The following CYP3A5 variants were observed in gnomAD, a reference collection of about 807,000 sequenced individuals.
The protein encoded by CYP3A5 is cytochrome P450 family 3 subfamily A member 5.
In CYP3A5, 51 loss-of-function variants were observed where a neutral mutation model predicts 55.9. That is an observed-to-expected ratio of 0.91 (90% CI 0.73 to 1.15). The LOEUF (loss-of-function observed/expected upper bound fraction) is 1.15, where lower values mean the gene tolerates loss of function less well. CYP3A5 is among the 50% of genes most tolerant of loss of function. CYP3A5 has a pLI of 0.00. For synonymous variants in CYP3A5, 196 were observed against 213.9 expected (o/e 0.92, Z 0.73); for missense variants, 533 against 596.6 (o/e 0.89, Z 1.11).
intron 1 of CYP3A5, 87 bp downstream of exon 1, chr7:99,679,739 T>C: frequency 7.7e-7 from 1 of 1,291,418 alleles, no homozygotes; most frequent in South Asian, 1.2e-5. Context: ...ACATCTCTTT[T>C]GATCTTCAAA....
chr7:99,666,370 T>C (rs942241081), intron 6 of CYP3A5, among the ~76,000 whole-genome samples: 1 of 152,112 alleles, frequency 6.6e-6, no homozygotes, highest in Non-Finnish European at 1.5e-5. Flanking sequence ...TGGTGACAAG[T>C]TAACAGATAA....
intron 1 of CYP3A5, 128 bp from the exon 2 acceptor site, chr7:99,676,336 A>C (rs781717320): frequency 3.9e-6 from 6 of 1,554,744 alleles, no homozygotes; most frequent in Non-Finnish European, 5.2e-6. Context: ...AATAACAGCA[A>C]CTCCAACATC....
chr7:99,666,848 G>A (rs1811072538), intron 5 of CYP3A5, 104 bp downstream of exon 5: 11 of 1,579,686 alleles, frequency 7.0e-6, no homozygotes, highest in Non-Finnish European at 9.5e-6. Flanking sequence ...TAGGAAGCTC[G>A]AACTCAGTGG....
intron 10 of CYP3A5, among the ~76,000 whole-genome samples, chr7:99,658,189 C>T (rs1809976721): frequency 1.3e-5 from 2 of 152,152 alleles, no homozygotes; most frequent in Admixed American, 1.3e-4. Context: ...ATGGTCTTTA[C>T]AATTTGGCAT....
At chr7:99,652,280 C>T (rs1441348432) in intron 11 of CYP3A5, 3 of 205,894 alleles carry the variant, frequency 1.5e-5, no homozygotes, top group African/African-American at 2.3e-5. Context: ...AAAGTGATAC[C>T]ATTCTAATTT....
intron 1 of CYP3A5, among the ~76,000 whole-genome samples, chr7:99,678,790 G>T (rs1281442987): frequency 6.6e-6 from 1 of 152,186 alleles, no homozygotes; most frequent in East Asian, 1.9e-4. Flanking sequence ...TTAAAATGAG[G>T]TTTATAGTGT....
chr7:99,650,229 G>C lies in CYP3A5; in HGVS notation c.1257C>G (p.Phe419Leu), dbSNP rs1474237861. ...GATCTATGCTGTCCTTCTTCTTACT[G>C]AACCTAGTTCCATATTGGTAGATTA... is the stretch of plus-strand genomic sequence containing the variant. ...TEPEEFRPER[F>L]SKKKDSIDPY... Residue 419 changes from phenylalanine (F) to leucine (L), a missense_variant, in exon 12 of 13, where the codon TTC (phenylalanine) becomes TTG (leucine). By Grantham distance (22) the Phe-to-Leu change is conservative. Transcript: ENST00000222982. The C allele has an allele frequency of 6.2e-7, 1 of 1,613,148 alleles. No homozygotes were observed. Among genetic ancestry groups the C allele is most frequent in the Non-Finnish European group, 8.5e-7 (1 of 1,179,528 alleles).
Position 99,665,203 on chromosome 7 carries a change from TA to T in CYP3A5, c.632del (p.Leu211GlnfsTer6). The T allele has an allele frequency of 6.2e-7, 1 of 1,613,966 alleles. No homozygotes were observed. Among genetic ancestry groups the T allele is most frequent in the South Asian group, 1.1e-5 (1 of 91,056 alleles). ...DPFVESTKKFLKFGFLDPLFL... is the reference protein window; with the variant it reads ...DPFVESTKKFXKFGFLDPLFL... ...ATAATGGATCTAAGAAACCAAATTT[TA>T]GGAACTTCTTAGTGCTCTCCACAAA... On this transcript the variant is annotated frameshift_variant, in exon 7 of 13. Coordinates refer to ENST00000222982, the MANE Select transcript of CYP3A5 (RefSeq NM_000777.5). LOFTEE classifies it high-confidence loss of function.
chr7:99,660,427 TG>T (rs1418557360), intron 10 of CYP3A5, 71 bp downstream of exon 10: 3 of 1,508,256 alleles, frequency 2.0e-6, no homozygotes, highest in African/African-American at 2.8e-5. Flanking sequence ...AAAATTCTCC[TG>T]GGGAGTGGTG....
At chr7:99,663,635 C>T in intron 8 of CYP3A5, 2 of 1,009,110 alleles carry the variant, frequency 2.0e-6, no homozygotes, top group Non-Finnish European at 2.4e-6. Context: ...ATGAGGAAAG[C>T]ACAATACCAG....
intron 3 of CYP3A5, 189 bp downstream of exon 3, chr7:99,674,344 G>A (rs546321868): frequency 2.1e-5 from 10 of 468,092 alleles, no homozygotes; most frequent in South Asian, 1.6e-4. Context: ...AGTTTATAAC[G>A]GCAAGCAGAT....
intron 4 of CYP3A5, among the ~76,000 whole-genome samples, chr7:99,672,042 T>TTTGTTGTTG (rs573372567): frequency 1.3e-5 from 2 of 151,728 alleles, no homozygotes; most frequent in African/African-American, 2.4e-5. Context: ...TTTGCCGGTT[T>TTTGTTGTTG]TTGTTGTTGT....
chr7:99,667,528 G>T (rs1017708241), intron 4 of CYP3A5, among the ~76,000 whole-genome samples: 19 of 151,914 alleles, frequency 1.3e-4, no homozygotes, highest in African/African-American at 3.9e-4. Context: ...ATTTTTTTTT[G>T]AAAAGTAGGT....
intron 4 of CYP3A5, among the ~76,000 whole-genome samples, chr7:99,672,239 ATG>A (rs1811732131): frequency 6.6e-6 from 1 of 152,068 alleles, no homozygotes; most frequent in African/African-American, 2.4e-5. Context: ...TTTAGTAGAG[ATG>A]GGGTTTCACC....
chr7:99,663,940 T>C, intron 8 of CYP3A5, 28 bp downstream of exon 8: 2 of 1,561,394 alleles, frequency 1.3e-6, no homozygotes, highest in Non-Finnish European at 1.7e-6. Flanking sequence ...AACCTAAACA[T>C]CGTCATTTAA....
At chr7:99,649,970 C>T in intron 12 of CYP3A5, 103 bp downstream of exon 12, 3 of 1,418,492 alleles carry the variant, frequency 2.1e-6, no homozygotes, top group Non-Finnish European at 2.9e-6. Flanking sequence ...GTTCTTTGGC[C>T]CATAGAATGA....
intron 3 of CYP3A5, 126 bp downstream of exon 3, chr7:99,674,405 CCT>C (rs1812014107): frequency 1.6e-6 from 1 of 621,718 alleles, no homozygotes; most frequent in East Asian, 2.9e-5. Flanking sequence ...TTTCAGAGAA[CCT>C]CTCTCTGTTT....
At chr7:99,663,845 C>G in intron 8 of CYP3A5, 123 bp downstream of exon 8, 2 of 1,399,360 alleles carry the variant, frequency 1.4e-6, no homozygotes, top group Non-Finnish European at 1.9e-6. Context: ...AATGGCTTCT[C>G]TTGTTCTAAA....
rs770797240 is a variant in CYP3A5, at chr7:99,676,369, G to T, written c.72-161C>A. On this transcript the variant is annotated intron_variant, in intron 1 of 12. Transcript: ENST00000222982. ...ATCAGTAATTGCATTCACTCATCAG[G>T]TCCTTTCCTGACTATTCTGAGACCC... is the stretch of plus-strand genomic sequence containing the variant. 2.6e-6 allele frequency: 4 copies of T among 1,528,796 alleles called. No individual in the cohort carries two copies. In the East Asian group the frequency reaches 1.0e-4, roughly 38 times the overall value. 94.7% of individuals were successfully genotyped at this position (1,528,796 alleles called of 1,614,324 possible).
Sources: allele counts gnomAD v4.1 joint callset (sites outside exome capture counted in the v4.1 genomes callset), GRCh38; gene constraint gnomAD v4.1.1; transcripts MANE v1.5; gene names NCBI Gene and HGNC (gene_info 2026-07-23, HGNC 2026-07-21).